BDKRB2: variants seen among roughly 807,000 people sequenced by gnomAD.
The protein encoded by BDKRB2 is bradykinin receptor B2.
Under a neutral mutation model 4.0 loss-of-function variants are expected in BDKRB2, and 6 were observed. That is an observed-to-expected ratio of 1.49 (90% CI 0.81 to 2.93). The LOEUF (loss-of-function observed/expected upper bound fraction) is 2.93. Among genes scored for constraint, BDKRB2 ranks in the 30% most tolerant of loss-of-function variants. BDKRB2 has a pLI of 0.00. For synonymous variants in BDKRB2, 225 were observed against 215.3 expected (o/e 1.05, Z -0.40); for missense variants, 478 against 520.1 (o/e 0.92, Z 0.79).
At chr14:96,212,308 C>T (rs1021100451) in intron 1 of BDKRB2, among the ~76,000 whole-genome samples, 4 of 152,148 alleles carry the variant, frequency 2.6e-5, no homozygotes, top group Middle Eastern at 3.4e-3. Context: ...ACTATAAGAA[C>T]ACTGCTTACC....
In BDKRB2 at chr14:96,234,062, A is replaced by T. The variant is rs374272452; in HGVS notation, c.-39-3007A>T. 3.3e-5 allele frequency: 5 copies of T among 152,342 alleles called. No homozygotes were observed. The East Asian group carries it at 5.8e-4, about 18-fold the overall frequency. 9.4% of individuals were successfully genotyped at this position (152,342 alleles called of 1,614,324 possible). ...CCAGAGAGATGGAGATCCCACAGAC[A>T]ACGGCCCACCTGGAGCACCCCCTCC... On this transcript the variant is annotated intron_variant, in intron 1 of 2. Coordinates refer to ENST00000554311, the MANE Select transcript of BDKRB2 (RefSeq NM_001379692.1).
rs143895364 is a variant in BDKRB2, at chr14:96,218,504, C to A, written c.-40+13545C>A. Among the ~76,000 whole-genome samples the A allele has an allele frequency of 4.6e-5, 7 of 152,266 alleles. No homozygotes were observed. In the East Asian group the frequency reaches 1.3e-3, roughly 29 times the overall value. ...AGTGAGGGCAATGCTACTGGCCCCACCCATCTTACAGGACAAGGGAAGCCC... is the reference window on the plus strand; with the variant it reads ...AGTGAGGGCAATGCTACTGGCCCCAACCATCTTACAGGACAAGGGAAGCCC... On this transcript the variant is annotated intron_variant, in intron 1 of 2. Transcript: ENST00000554311.
At chr14:96,232,871 G>A (rs752761158) in intron 1 of BDKRB2, among the ~76,000 whole-genome samples, 3 of 152,140 alleles carry the variant, frequency 2.0e-5, no homozygotes, top group Non-Finnish European at 4.4e-5. Context: ...GTTGACATCC[G>A]AAGGAAAAAT....
intron 1 of BDKRB2, among the ~76,000 whole-genome samples, chr14:96,213,038 C>A (rs182379708): frequency 6.6e-6 from 1 of 152,124 alleles, no homozygotes; most frequent in Non-Finnish European, 1.5e-5. Flanking sequence ...CCAACTGGCC[C>A]GATTGTTCAA....
chr14:96,229,387 A>T (rs1890768033), intron 1 of BDKRB2, among the ~76,000 whole-genome samples: 1 of 152,106 alleles, frequency 6.6e-6, no homozygotes, highest in Non-Finnish European at 1.5e-5. Context: ...GTCGCTTGGG[A>T]ATGCCAGAAC....
chr14:96,222,779 TA>T (rs1158335228), intron 1 of BDKRB2, among the ~76,000 whole-genome samples: 1 of 152,076 alleles, frequency 6.6e-6, no homozygotes, highest in African/African-American at 2.4e-5. Context: ...AATAATAATA[TA>T]AAATAACTCA....
chr14:96,230,513 G>A (rs932183117), intron 1 of BDKRB2, among the ~76,000 whole-genome samples: 1 of 151,954 alleles, frequency 6.6e-6, no homozygotes, highest in Non-Finnish European at 1.5e-5. Context: ...TCCCGCCTCA[G>A]CCCCCCAAGT....
chr14:96,216,799 GAGA>G (rs1234645500), intron 1 of BDKRB2, among the ~76,000 whole-genome samples: 3 of 142,576 alleles, frequency 2.1e-5, no homozygotes, highest in Non-Finnish European at 3.1e-5. Flanking sequence ...GAGGAAGTAG[GAGA>G]AGAAGAAGGA....
Position 96,244,013 on chromosome 14 carries a change from A to G in BDKRB2, c.*2509A>G, listed in dbSNP as rs199732574. The G allele has an allele frequency of 5.1e-6, 2 of 394,422 alleles. No homozygotes were observed. 24.4% of individuals were successfully genotyped at this position (394,422 alleles called of 1,614,324 possible). A position where few individuals can be genotyped will look rare whatever the true frequency, so the allele number is the denominator to read the frequency against. ...CTGCGGGAGAAGAGCGGCCCTATGC[A>G]TGGTGTAGATGCCCTGATAAAGAAC... On this transcript the variant is annotated 3_prime_UTR_variant, in exon 3 of 3. Coordinates refer to ENST00000554311, the MANE Select transcript of BDKRB2 (RefSeq NM_001379692.1).
chr14:96,240,468 GC>G lies in BDKRB2; in HGVS notation c.145del (p.Gln49LysfsTer25). On this transcript the variant is annotated frameshift_variant, in exon 3 of 3. Coordinates refer to ENST00000554311, the MANE Select transcript of BDKRB2 (RefSeq NM_001379692.1). LOFTEE classifies it low-confidence loss of function (END_TRUNC). ...AACGGGACCTTTGCCCAGAGCAAATGCCCCCAAGTGGAGTGGCTGGGCTGGC... is the reference window on the plus strand; with the variant it reads ...AACGGGACCTTTGCCCAGAGCAAATGCCCCAAGTGGAGTGGCTGGGCTGGC... The part of the protein sequence containing the change: ...TLNGTFAQSK[C>X]PQVEWLGWLN... 1.3e-6 allele frequency: 2 copies of G among 1,516,068 alleles called. No homozygotes were observed. Among genetic ancestry groups the G allele is most frequent in the Middle Eastern group, 1.8e-4 (1 of 5,606 alleles). The allele number at this position is 1,516,068 out of a possible 1,614,324, so 93.9% of individuals were successfully genotyped here.
At chr14:96,230,060 G>A (rs1237520405) in intron 1 of BDKRB2, among the ~76,000 whole-genome samples, 1 of 151,948 alleles carries the variant, frequency 6.6e-6, no homozygotes, top group African/African-American at 2.4e-5. Context: ...CGTGAACCCG[G>A]GAGGCAGAGC....
intron 1 of BDKRB2, among the ~76,000 whole-genome samples, chr14:96,225,331 C>T (rs1890669225): frequency 6.6e-6 from 1 of 152,146 alleles, no homozygotes; most frequent in African/African-American, 2.4e-5. Context: ...ATTCCTTCCA[C>T]CTCTTTGCTA....
At chr14:96,209,505 A>G (rs929023281) in intron 1 of BDKRB2, among the ~76,000 whole-genome samples, 2 of 152,186 alleles carry the variant, frequency 1.3e-5, no homozygotes, top group African/African-American at 4.8e-5. Flanking sequence ...TCACTATTCA[A>G]AGGGAAAAAA....
At chr14:96,211,272 C>A (rs1890295571) in intron 1 of BDKRB2, 1 of 152,238 alleles carries the variant, frequency 6.6e-6, no homozygotes, top group Non-Finnish European at 1.5e-5. Context: ...TCCCTGACCA[C>A]AGAGGGAGGC....
In BDKRB2 at chr14:96,242,824, G is replaced by A. The variant is rs1442065380; in HGVS notation, c.*1320G>A. 2 of 152,426 alleles carry A rather than the reference G, an allele frequency of 1.3e-5. No homozygotes were observed. Among genetic ancestry groups the A allele is most frequent in the Non-Finnish European group, 2.9e-5 (2 of 68,200 alleles). 9.4% of individuals were successfully genotyped at this position (152,426 alleles called of 1,614,324 possible). On this transcript the variant is annotated 3_prime_UTR_variant, in exon 3 of 3. Coordinates refer to ENST00000554311, the MANE Select transcript of BDKRB2 (RefSeq NM_001379692.1). ...TTCCTGTCTCAGCAACCAAGGGATT[G>A]TTCCTGTCAATCAATGGTTTATTGG...
rs1566688857 is a variant in BDKRB2 at position 96,216,715 on chromosome 14, A to AGGAAGGAGGAGGAAGGAGGAGGAG, written c.-40+11757_-40+11758insGAAGGAGGAGGAAGGAGGAGGAGG. Among the ~76,000 whole-genome samples, 5 of 72,394 alleles carry AGGAAGGAGGAGGAAGGAGGAGGAG rather than the reference A, an allele frequency of 6.9e-5. 1 individual carries two copies. The highest frequency in any genetic ancestry group is 1.4e-4 in the Non-Finnish European group (4 of 29,574). 47.5% of individuals were successfully genotyped at this position (72,394 alleles called of 152,430 possible). A position where few individuals can be genotyped will look rare whatever the true frequency, so the allele number is the denominator to read the frequency against. On this transcript the variant is annotated intron_variant, in intron 1 of 2. Transcript: ENST00000554311. ...GAGGAAGGAGGAGGAAGGAGGAGGA[A>AGGAAGGAGGAGGAAGGAGGAGGAG]GAGGAAGGAGGAGGAGGAAGGAGGA...
chr14:96,216,936 A>G (rs1890442647), intron 1 of BDKRB2, among the ~76,000 whole-genome samples: 2 of 152,220 alleles, frequency 1.3e-5, no homozygotes, highest in Non-Finnish European at 2.9e-5. Context: ...CAGAAAGCCC[A>G]AGGAGTGAGG....
chr14:96,236,725 C>G (rs896340804), intron 1 of BDKRB2, among the ~76,000 whole-genome samples: 2 of 152,206 alleles, frequency 1.3e-5, no homozygotes, highest in African/African-American at 2.4e-5. Flanking sequence ...ATCCCTCCAC[C>G]CTGTTTAGTT....
chr14:96,226,886 GA>G (rs1461023616), intron 1 of BDKRB2, among the ~76,000 whole-genome samples: 2 of 152,210 alleles, frequency 1.3e-5, no homozygotes, highest in Non-Finnish European at 2.9e-5. Flanking sequence ...AAGAAAGATG[GA>G]GGGAGGAATA....
Sources: allele counts gnomAD v4.1 joint callset (sites outside exome capture counted in the v4.1 genomes callset), GRCh38; gene constraint gnomAD v4.1.1; transcripts MANE v1.5; gene names NCBI Gene and HGNC (gene_info 2026-07-23, HGNC 2026-07-21).